HORMAD2: variants seen among roughly 807,000 people sequenced by gnomAD.
HORMAD2 encodes the protein HORMA domain-containing protein 2.
HORMAD2 carries 45 observed loss-of-function variants against 38.8 expected under a neutral mutation model. The observed-to-expected ratio is 1.16, with a 90% CI of 0.91 to 1.49. The LOEUF (loss-of-function observed/expected upper bound fraction) is 1.49, where lower values mean the gene tolerates loss of function less well. Ranked by LOEUF, HORMAD2 falls within the 40% of genes most tolerant of loss-of-function variation. HORMAD2 has a pLI of 0.00. For missense variants in HORMAD2, 338 were observed against 367.0 expected, an observed-to-expected ratio of 0.92 and a Z score of 0.65; for synonymous variants, 126 against 122.8, an observed-to-expected ratio of 1.03 and a Z score of -0.17.
chr22:30,117,460 T>C (rs1319214219), intron 7 of HORMAD2, among the ~76,000 whole-genome samples: 5 of 110,934 alleles, frequency 4.5e-5, no homozygotes, highest in Admixed American at 2.8e-4. Context: ...TTTAGTTATT[T>C]TATTTATTTA....
At chr22:30,170,432 C>G (rs537240264) in intron 10 of HORMAD2, among the ~76,000 whole-genome samples, 1 of 152,244 alleles carries the variant, frequency 6.6e-6, no homozygotes, top group Non-Finnish European at 1.5e-5. Flanking sequence ...TGAGGCTCTG[C>G]TTTTAGTAGG....
chr22:30,202,532 T>C, the HORMAD2 span, among the ~76,000 whole-genome samples: 1 of 151,958 alleles, frequency 6.6e-6, no homozygotes, highest in Non-Finnish European at 1.5e-5. Flanking sequence ...ATCACTCATG[T>C]CCAACCCTCA....
At chr22:30,136,283 T>C (rs1923646740) in intron 10 of HORMAD2, among the ~76,000 whole-genome samples, 1 of 152,226 alleles carries the variant, frequency 6.6e-6, no homozygotes, top group South Asian at 2.1e-4. Context: ...CAACATTTTT[T>C]CTGTTTTTAA....
intron 10 of HORMAD2, among the ~76,000 whole-genome samples, chr22:30,152,745 T>C (rs1924829894): frequency 6.6e-6 from 1 of 152,230 alleles, no homozygotes; most frequent in Non-Finnish European, 1.5e-5. Flanking sequence ...CACTTCCCTC[T>C]TTTGCTTTTG....
intron 10 of HORMAD2, among the ~76,000 whole-genome samples, chr22:30,140,514 G>T (rs1361935219): frequency 6.6e-6 from 1 of 152,038 alleles, no homozygotes; most frequent in Non-Finnish European, 1.5e-5. Flanking sequence ...GTCAGTTTTG[G>T]TATTTTGTGT....
intron 10 of HORMAD2, among the ~76,000 whole-genome samples, chr22:30,127,199 CTTTTTTTTTT>C (rs757608874): frequency 2.3e-4 from 18 of 79,804 alleles, no homozygotes; most frequent in African/African-American, 7.8e-4. Context: ...AACAGAAGTT[CTTTTTTTTTT>C]TTTTTTTTTT....
chr22:30,082,591 A>G (rs1197306837), intron 1 of HORMAD2, among the ~76,000 whole-genome samples: 2 of 151,678 alleles, frequency 1.3e-5, no homozygotes, highest in African/African-American at 4.9e-5. Context: ...ACATAGTGAG[A>G]CCTCCCCCTC....
chr22:30,168,456 T>C (rs1354635089), intron 10 of HORMAD2, among the ~76,000 whole-genome samples: 1 of 152,200 alleles, frequency 6.6e-6, no homozygotes, highest in Non-Finnish European at 1.5e-5. Flanking sequence ...AGTCAATGCC[T>C]GGTGGACATC....
chr22:30,171,931 G>T (rs1926135629), intron 10 of HORMAD2, among the ~76,000 whole-genome samples: 2 of 152,108 alleles, frequency 1.3e-5, no homozygotes, highest in African/African-American at 4.8e-5. Context: ...GAGGAAGCAA[G>T]GTATGAGAAG....
chr22:30,110,570 G>A (rs1432970873), intron 5 of HORMAD2, among the ~76,000 whole-genome samples: 1 of 151,702 alleles, frequency 6.6e-6, no homozygotes, highest in Non-Finnish European at 1.5e-5. Context: ...TATTTTAGTA[G>A]AGACAGAGTT....
chr22:30,205,784 G>A, the HORMAD2 span, among the ~76,000 whole-genome samples: 1 of 152,294 alleles, frequency 6.6e-6, no homozygotes, highest in East Asian at 1.9e-4. Context: ...AAAAGCCGCT[G>A]CCCGTTCTGT....
chr22:30,093,606 G>A (rs192583365), intron 1 of HORMAD2, among the ~76,000 whole-genome samples: 42 of 152,140 alleles, frequency 2.8e-4, no homozygotes, highest in South Asian at 6.2e-4. Flanking sequence ...AATGAGTATG[G>A]TCAAATTTTA....
chr22:30,138,081 C>A (rs1601561370), intron 10 of HORMAD2, among the ~76,000 whole-genome samples: 1 of 152,118 alleles, frequency 6.6e-6, no homozygotes, highest in Non-Finnish European at 1.5e-5. Context: ...TATTGTCTCA[C>A]TTTTTGATTC....
At chr22:30,160,500 G>C (rs1298008885) in intron 10 of HORMAD2, among the ~76,000 whole-genome samples, 1 of 152,028 alleles carries the variant, frequency 6.6e-6, no homozygotes. Context: ...TTTTATTCCA[G>C]TTTTAAGTTT....
At chr22:30,080,821 G>T (rs959278378) in intron 1 of HORMAD2, among the ~76,000 whole-genome samples, 1 of 152,054 alleles carries the variant, frequency 6.6e-6, no homozygotes, top group Non-Finnish European at 1.5e-5. Flanking sequence ...AGGCTGGCAG[G>T]GCAGACGATG....
chr22:30,153,410 G>A (rs748607049), intron 10 of HORMAD2, among the ~76,000 whole-genome samples: 1 of 151,920 alleles, frequency 6.6e-6, no homozygotes, highest in Non-Finnish European at 1.5e-5. Context: ...CTTGGCTTTC[G>A]GGCTGCTTGT....
At chr22:30,167,379 T>C (rs1925851320) in intron 10 of HORMAD2, among the ~76,000 whole-genome samples, 1 of 152,184 alleles carries the variant, frequency 6.6e-6, no homozygotes, top group Non-Finnish European at 1.5e-5. Context: ...GACATGAACA[T>C]CTTTGGGGGC....
At chr22:30,168,173 C>T (rs1382509591) in intron 10 of HORMAD2, among the ~76,000 whole-genome samples, 1 of 152,146 alleles carries the variant, frequency 6.6e-6, no homozygotes, top group Non-Finnish European at 1.5e-5. Context: ...TATACTTTTA[C>T]CACTTAAGTG....
At chr22:30,201,526 T>C in the HORMAD2 span, among the ~76,000 whole-genome samples, 1 of 149,376 alleles carries the variant, frequency 6.7e-6, no homozygotes, top group East Asian at 2.0e-4. Context: ...CACGCCATTC[T>C]CCTGCCTCAG....
Sources: gnomAD v4.1 joint callset for allele counts (sites outside exome capture counted in the v4.1 genomes callset) on GRCh38, gnomAD v4.1.1 for gene constraint, MANE v1.5 for transcripts, NCBI Gene and HGNC (gene_info 2026-07-23, HGNC 2026-07-21) for gene names.